Variants in TBC1D5 observed in about 807,000 individuals in gnomAD.
The protein encoded by TBC1D5 is TBC1 domain family, member 5.
A neutral mutation model predicts 100.3 loss-of-function variants in TBC1D5; 75 were observed. The observed-to-expected ratio is 0.75, with a 90% CI of 0.62 to 0.91. TBC1D5 has a LOEUF of 0.91. Ranked by LOEUF, TBC1D5 falls within the 40% of genes least tolerant of loss-of-function variation. TBC1D5 has a pLI of 0.00. For missense variants in TBC1D5, 910 were observed against 942.4 expected (o/e 0.97, Z 0.45); for synonymous variants, 323 against 325.6 (o/e 0.99, Z 0.09).
intron 2 of TBC1D5, among the ~76,000 whole-genome samples, chr3:17,601,478 T>C (rs2060939208): frequency 6.6e-6 from 1 of 152,166 alleles, no homozygotes; most frequent in Non-Finnish European, 1.5e-5. Context: ...GCCATTGCAC[T>C]CCAGCCTGGG....
chr3:17,223,832 T>C (rs896837003), intron 17 of TBC1D5, among the ~76,000 whole-genome samples: 6 of 152,050 alleles, frequency 3.9e-5, no homozygotes, highest in African/African-American at 7.2e-5. Context: ...GAGGCAGAGG[T>C]TGCAGTGAGC....
intron 2 of TBC1D5, among the ~76,000 whole-genome samples, chr3:17,561,565 CAT>C (rs1436439497): frequency 6.6e-6 from 1 of 151,980 alleles, no homozygotes; most frequent in Non-Finnish European, 1.5e-5. Flanking sequence ...GGCGAAAAAA[CAT>C]AAAGTATTGT....
intron 1 of TBC1D5, among the ~76,000 whole-genome samples, chr3:17,698,415 C>T (rs375354151): frequency 1.8e-4 from 27 of 151,918 alleles, no homozygotes; most frequent in East Asian, 9.7e-4. Flanking sequence ...AAGACTTAAA[C>T]GTTAGACCTA....
chr3:17,669,005 G>A (rs116676289), intron 1 of TBC1D5, among the ~76,000 whole-genome samples: 1 of 152,078 alleles, frequency 6.6e-6, no homozygotes, highest in South Asian at 2.1e-4. Context: ...GTTTGGTTCT[G>A]TGTCCCCACC....
chr3:17,571,745 A>T lies in TBC1D5; in HGVS notation c.-36+52104T>A, dbSNP rs532432471. ...CCAACAAGAATTCCTTCCATCTTTG[A>T]TCCTTTCACCCAACTAAAACACATA... On this transcript the variant is annotated intron_variant, in intron 2 of 21. Coordinates refer to ENST00000253692, the Ensembl canonical transcript of TBC1D5. 3.9e-5 allele frequency among the ~76,000 whole-genome samples: 6 copies of T among 152,136 alleles called. No homozygotes were observed. The East Asian group carries it at 1.2e-3, about 29-fold the overall frequency.
chr3:17,471,970 A>G (rs2095380811), intron 3 of TBC1D5, among the ~76,000 whole-genome samples: 1 of 152,166 alleles, frequency 6.6e-6, no homozygotes. Flanking sequence ...TTAACATACT[A>G]AAATAGCAAA....
intron 8 of TBC1D5, among the ~76,000 whole-genome samples, chr3:17,395,073 G>C (rs1195268006): frequency 6.6e-6 from 1 of 152,050 alleles, no homozygotes; most frequent in Non-Finnish European, 1.5e-5. Context: ...CAGTTGAGAA[G>C]ATTAAGCAAA....
chr3:17,669,628 T>C (rs1318853711), intron 1 of TBC1D5, among the ~76,000 whole-genome samples: 3 of 152,164 alleles, frequency 2.0e-5, no homozygotes, highest in South Asian at 4.1e-4. Context: ...AAATATCTTA[T>C]AGGGCTGTCA....
chr3:17,588,689 C>T (rs532728317), intron 2 of TBC1D5, among the ~76,000 whole-genome samples: 19 of 152,142 alleles, frequency 1.2e-4, no homozygotes, highest in Admixed American at 5.2e-4. Flanking sequence ...AACCAAAATC[C>T]CATTGAGAGC....
Position 17,657,020 on chromosome 3 carries a change from C to G in TBC1D5, c.-100-33107G>C, listed in dbSNP as rs970371977. Among the ~76,000 whole-genome samples, 25 of 152,000 alleles carry G rather than the reference C, an allele frequency of 1.6e-4. 1 individual carries two copies. The highest frequency in any genetic ancestry group is 2.9e-5 in the Non-Finnish European group (2 of 68,006). ...AGCCTTCAGCCACACTGACTAAAAACTGGAGATTGATAGAAACTTGCCCAA... is the reference window on the plus strand; with the variant it reads ...AGCCTTCAGCCACACTGACTAAAAAGTGGAGATTGATAGAAACTTGCCCAA... On this transcript the variant is annotated intron_variant, in intron 1 of 21. Coordinates refer to ENST00000253692, the Ensembl canonical transcript of TBC1D5.
At chr3:17,449,985 C>T (rs563594574) in intron 3 of TBC1D5, among the ~76,000 whole-genome samples, 4 of 152,202 alleles carry the variant, frequency 2.6e-5, no homozygotes, top group African/African-American at 9.6e-5. Context: ...AGGAGAGCTC[C>T]GGCTGGCATC....
chr3:17,595,317 G>T (rs1167835183), intron 2 of TBC1D5, among the ~76,000 whole-genome samples: 1 of 152,056 alleles, frequency 6.6e-6, no homozygotes, highest in Non-Finnish European at 1.5e-5. Context: ...AATTTGCCAG[G>T]ATATGGGTAG....
At chr3:17,691,973 A>G (rs1377808636) in intron 1 of TBC1D5, among the ~76,000 whole-genome samples, 1 of 152,258 alleles carries the variant, frequency 6.6e-6, no homozygotes, top group African/African-American at 2.4e-5. Flanking sequence ...CCATCACAAA[A>G]AAGACATGGC....
intron 2 of TBC1D5, among the ~76,000 whole-genome samples, chr3:17,536,151 T>C (rs1678201517): frequency 6.6e-6 from 1 of 152,180 alleles, no homozygotes; most frequent in South Asian, 2.1e-4. Context: ...TGAAGTAGTC[T>C]TTACAAACTG....
intron 16 of TBC1D5, among the ~76,000 whole-genome samples, chr3:17,243,791 G>C (rs2076504442): frequency 6.6e-6 from 1 of 152,098 alleles, no homozygotes; most frequent in South Asian, 2.1e-4. Flanking sequence ...TCACAGTGAT[G>C]ACACTGAAGA....
chr3:17,667,026 G>A (rs1577337175), intron 1 of TBC1D5, among the ~76,000 whole-genome samples: 1 of 152,090 alleles, frequency 6.6e-6, no homozygotes, highest in African/African-American at 2.4e-5. Flanking sequence ...AGTGTGAGAT[G>A]TACATATGTT....
intron 3 of TBC1D5, among the ~76,000 whole-genome samples, chr3:17,429,757 T>C (rs2149381530): frequency 6.6e-6 from 1 of 152,056 alleles, no homozygotes; most frequent in African/African-American, 2.4e-5. Context: ...TACCTATCTT[T>C]CTTTACACAT....
chr3:17,530,063 G>T (rs1420285402), intron 2 of TBC1D5, among the ~76,000 whole-genome samples: 3 of 152,132 alleles, frequency 2.0e-5, no homozygotes, highest in African/African-American at 7.2e-5. Flanking sequence ...GGCGAACATA[G>T]TGAAATCCCA....
intron 18 of TBC1D5, among the ~76,000 whole-genome samples, chr3:17,212,982 CA>C: frequency 6.6e-6 from 1 of 152,270 alleles, no homozygotes; most frequent in South Asian, 2.1e-4. Context: ...CAGTAGTGCA[CA>C]ATAATCCTAG....
Sources: gnomAD v4.1 joint callset for allele counts (sites outside exome capture counted in the v4.1 genomes callset) on GRCh38, gnomAD v4.1.1 for gene constraint, MANE v1.5 for transcripts, NCBI Gene and HGNC (gene_info 2026-07-23, HGNC 2026-07-21) for gene names.